RTL1: variants seen among roughly 807,000 people sequenced by gnomAD.
RTL1 encodes retrotransposon Gag like 1.
For missense variants in RTL1, 1,681 were observed against 1,767.5 expected, an observed-to-expected ratio of 0.95 and a Z score of 0.88; for synonymous variants, 727 against 748.4, an observed-to-expected ratio of 0.97 and a Z score of 0.47.
chr14:100,883,870 C>G lies in RTL1; in HGVS notation c.919G>C (p.Glu307Gln). 6.4e-7 allele frequency: 1 copy of G among 1,551,612 alleles called. No homozygotes were observed. Among genetic ancestry groups the G allele is most frequent in the Non-Finnish European group, 8.7e-7 (1 of 1,146,990 alleles). Reference protein sequence around the residue: ...GGRSATEYIDEFQSLVPILGW... With the variant: ...GGRSATEYIDQFQSLVPILGW... ...AAGATGGGTACCAGGCTCTGGAACT[C>G]ATCGATGTACTCAGTGGCAGAGCGG... Residue 307 changes from glutamate to glutamine, a missense_variant, in exon 4 of 4, where the codon GAG (glutamate) becomes CAG (glutamine). Glu to Gln is a conservative substitution (Grantham distance 29). Transcript: ENST00000649591. The surrounding 1 kb of genome is among the most constrained non-coding windows in gnomAD (Gnocchi z 5.9).
intron 3 of RTL1, among the ~76,000 whole-genome samples, chr14:100,888,765 G>C (rs2140042986): frequency 6.6e-6 from 1 of 152,264 alleles, no homozygotes; most frequent in Non-Finnish European, 1.5e-5. Context: ...AATCATGTTG[G>C]AGCCTCAAAA....
intron 3 of RTL1, among the ~76,000 whole-genome samples, chr14:100,889,254 A>T (rs966446963): frequency 1.3e-5 from 2 of 152,206 alleles, no homozygotes; most frequent in Admixed American, 1.3e-4. Flanking sequence ...CCATTTTAGC[A>T]AGGCACCCAC....
Position 100,881,727 on chromosome 14 carries a change from C to T in RTL1, c.3062G>A (p.Gly1021Glu). Residue 1021 changes from glycine to glutamate, a missense_variant, in exon 4 of 4, where the codon GGA becomes GAA. By Grantham distance (98) the Gly-to-Glu change is moderately conservative. Transcript: ENST00000649591. The surrounding 1 kb of genome is among the most constrained non-coding windows in gnomAD (Gnocchi z 6.6). ...ARQTLLLASR[G>E]FPRDPSTESG... is the part of the protein sequence containing the mutation. ...TTCCGTCGATGGATCCCTGGGGAAT[C>T]CCCTTGAGGCCAGCAGCAGGGTTTG... The T allele has an allele frequency of 6.2e-6, 10 of 1,601,312 alleles. No homozygotes were observed. Among genetic ancestry groups the T allele is most frequent in the Non-Finnish European group, 8.5e-6 (10 of 1,173,416 alleles).
At chr14:100,892,828 C>A (rs1312364450) in intron 3 of RTL1, among the ~76,000 whole-genome samples, 2 of 152,114 alleles carry the variant, frequency 1.3e-5, no homozygotes, top group Non-Finnish European at 2.9e-5. Flanking sequence ...TGAGTACCTG[C>A]TCTGTGTCAG....
intron 3 of RTL1, among the ~76,000 whole-genome samples, chr14:100,885,963 C>A (rs1253217561): frequency 6.6e-6 from 1 of 152,080 alleles, no homozygotes; most frequent in Non-Finnish European, 1.5e-5. Context: ...TTGGGGGGAA[C>A]ATGTGACATC....
rs1217017740 is a variant in RTL1, at chr14:100,882,142, C to T, written c.2647G>A (p.Gly883Ser). The T allele has an allele frequency of 3.9e-6, 6 of 1,551,454 alleles. No homozygotes were observed. In the African/African-American group the frequency reaches 4.1e-5, roughly 11 times the overall value. ...ATCAGGGAGGCGTGCAGGGCCGTGC[C>T]GGTGACGCCGGTTTCCAAGTAGAAT... Reference protein sequence around the residue: ...NPFYLETGVTGTALHASLIQI... With the variant: ...NPFYLETGVTSTALHASLIQI... The change falls in exon 4 of 4, where the codon GGC becomes AGC. Residue 883 changes from glycine to serine, a missense_variant. Physicochemically the swap from Gly to Ser is moderately conservative, Grantham distance 56. Transcript: ENST00000649591.
chr14:100,888,014 C>G (rs1321938396), intron 3 of RTL1, among the ~76,000 whole-genome samples: 1 of 152,148 alleles, frequency 6.6e-6, no homozygotes, highest in African/African-American at 2.4e-5. Context: ...TTCAGCAAAT[C>G]CAGATACCTT....
At chr14:100,896,839 T>G (rs1426130245) in intron 2 of RTL1, among the ~76,000 whole-genome samples, 1 of 152,174 alleles carries the variant, frequency 6.6e-6, no homozygotes, top group African/African-American at 2.4e-5. Context: ...CCGTCTAGGC[T>G]GCGAACGCGA....
intron 2 of RTL1, among the ~76,000 whole-genome samples, chr14:100,902,066 T>C (rs1272814786): frequency 6.6e-6 from 1 of 152,212 alleles, no homozygotes; most frequent in African/African-American, 2.4e-5. Context: ...TGCAGCCTTC[T>C]CAGCCAAGCA....
chr14:100,890,500 G>C (rs543873289), intron 3 of RTL1, among the ~76,000 whole-genome samples: 1 of 151,414 alleles, frequency 6.6e-6, no homozygotes, highest in East Asian at 1.9e-4. Flanking sequence ...GGGGAGGAGG[G>C]TGGGAGGCTG....
At position 100,883,544 on chromosome 14, in the gene RTL1, C is replaced by T; in HGVS notation, c.1245G>A (p.Val415=). ...CGACGCTGTGGTAGGGGTTCACTCT[C>T]ACCATGAGCAGCAGGAAGAGGTGGG... ...NRAHLFLLLM[V]RVNPYHSVAV... is the part of the protein sequence containing the mutation. Residue 415 remains valine (V), a synonymous_variant, in exon 4 of 4, where the codon GTG becomes GTA. Coordinates refer to ENST00000649591, the MANE Select transcript of RTL1 (RefSeq NM_001134888.3). The surrounding 1 kb of genome is among the most constrained non-coding windows in gnomAD (Gnocchi z 5.9). The T allele has an allele frequency of 1.9e-6, 3 of 1,551,552 alleles. No individual in the cohort carries two copies. Among genetic ancestry groups the T allele is most frequent in the Non-Finnish European group, 2.6e-6 (3 of 1,147,002 alleles).
intron 3 of RTL1, among the ~76,000 whole-genome samples, chr14:100,890,457 C>T (rs11849634): frequency 0.41 from 7,437 of 18,158 alleles, 679 homozygotes; most frequent in African/African-American, 0.52. Context: ...GGCGGGGGGC[C>T]GGGGTGGGGG....
intron 3 of RTL1, among the ~76,000 whole-genome samples, chr14:100,886,571 A>G (rs1332971163): frequency 6.6e-6 from 1 of 152,210 alleles, no homozygotes; most frequent in African/African-American, 2.4e-5. Context: ...TCAGCATGGT[A>G]TAGGAATTAT....
rs748249446 is a variant in RTL1 at position 100,884,539 on chromosome 14, G to T, written c.250C>A (p.Pro84Thr). 2 of 1,613,208 alleles carry T rather than the reference G, an allele frequency of 1.2e-6. No individual in the cohort carries two copies. The highest frequency in any genetic ancestry group is 2.2e-5 in the East Asian group (1 of 44,826). ...LQDMEEPSSGPRKEIEDPPND... is the reference protein window; with the variant it reads ...LQDMEEPSSGTRKEIEDPPND... Reference sequence around the variant, plus strand: ...GGTGGATCCTCTATTTCCTTACGTGGGCCACTGGATGGCTCCTCCATGTCT... The same window carrying T: ...GGTGGATCCTCTATTTCCTTACGTGTGCCACTGGATGGCTCCTCCATGTCT... Residue 84 changes from proline (P) to threonine (T), a missense_variant, in exon 4 of 4, where the codon CCA (proline) becomes ACA (threonine). Physicochemically the swap from Pro to Thr is conservative, Grantham distance 38. Transcript: ENST00000649591.
At chr14:100,900,501 C>T (rs1224249182) in intron 2 of RTL1, among the ~76,000 whole-genome samples, 2 of 152,222 alleles carry the variant, frequency 1.3e-5, no homozygotes, top group Non-Finnish European at 2.9e-5. Flanking sequence ...GTAGAGCTGT[C>T]CAGGTCTCTG....
intron 2 of RTL1, among the ~76,000 whole-genome samples, chr14:100,896,185 G>A (rs1243275260): frequency 6.6e-6 from 1 of 152,142 alleles, no homozygotes; most frequent in Non-Finnish European, 1.5e-5. Context: ...GGGGCTTCAC[G>A]TGCAGGAAAG....
chr14:100,899,969 T>A (rs1784732922), intron 2 of RTL1, among the ~76,000 whole-genome samples: 1 of 152,180 alleles, frequency 6.6e-6, no homozygotes, highest in Admixed American at 6.5e-5. Context: ...TAAAAGCTGA[T>A]GCTCGCCTCC....
intron 2 of RTL1, among the ~76,000 whole-genome samples, chr14:100,897,162 T>G (rs1469031996): frequency 6.6e-6 from 1 of 152,164 alleles, no homozygotes; most frequent in Non-Finnish European, 1.5e-5. Context: ...AAAAAACATA[T>G]TCGCGATAAA....
chr14:100,902,162 A>G (rs1349101634), intron 2 of RTL1, among the ~76,000 whole-genome samples: 1 of 152,170 alleles, frequency 6.6e-6, no homozygotes, highest in Non-Finnish European at 1.5e-5. Flanking sequence ...TCGCACGCAG[A>G]GCTGCTTTGC....
Sources: allele counts gnomAD v4.1 joint callset (sites outside exome capture counted in the v4.1 genomes callset), GRCh38; gene constraint gnomAD v4.1.1; non-coding constraint Gnocchi (gnomAD v3.1); transcripts MANE v1.5; gene names NCBI Gene and HGNC (gene_info 2026-07-23, HGNC 2026-07-21).